Variants in TCF7L1 observed in about 807,000 individuals in gnomAD.
TCF7L1 encodes the protein transcription factor 7-like 1.
Under a neutral mutation model 63.7 loss-of-function variants are expected in TCF7L1, and 18 were observed. The observed-to-expected ratio is 0.28, with a 90% confidence interval of 0.20 to 0.42. The LOEUF (loss-of-function observed/expected upper bound fraction) is 0.42. Among genes scored for constraint, TCF7L1 ranks in the 10% least tolerant of loss-of-function variants. The probability of loss-of-function intolerance (pLI) is 1.00; values close to 1 mark genes in which losing one functional copy is unlikely to be tolerated. For missense variants in TCF7L1, 654 were observed against 779.3 expected, an observed-to-expected ratio of 0.84 and a Z score of 1.91; for synonymous variants, 355 against 340.9, an observed-to-expected ratio of 1.04 and a Z score of -0.46.
chr2:85,221,038 T>C (rs1679829759), intron 3 of TCF7L1, among the ~76,000 whole-genome samples: 1 of 152,214 alleles, frequency 6.6e-6, no homozygotes, highest in African/African-American at 2.4e-5. Context: ...CCCAAGTCTA[T>C]TGTTACGCAC....
intron 3 of TCF7L1, among the ~76,000 whole-genome samples, chr2:85,162,195 A>G (rs1375776814): frequency 6.6e-6 from 1 of 152,076 alleles, no homozygotes; most frequent in Non-Finnish European, 1.5e-5. Context: ...TGATTACGCC[A>G]CTGCACCCCA....
At chr2:85,145,803 G>A (rs925848612) in intron 3 of TCF7L1, among the ~76,000 whole-genome samples, 3 of 152,214 alleles carry the variant, frequency 2.0e-5, no homozygotes, top group Non-Finnish European at 4.4e-5. Context: ...GAAGTACACA[G>A]CCAGCAGTGC....
At chr2:85,227,992 CAAA>C (rs34769307) in intron 3 of TCF7L1, among the ~76,000 whole-genome samples, 8 of 79,512 alleles carry the variant, frequency 1.0e-4, no homozygotes, top group Non-Finnish European at 1.2e-4. Context: ...ACCCTGTCTC[CAAA>C]AAAAAAAAAA....
intron 3 of TCF7L1, among the ~76,000 whole-genome samples, chr2:85,226,156 T>A (rs866884087): frequency 1.3e-5 from 2 of 152,242 alleles, no homozygotes; most frequent in Admixed American, 6.5e-5. Flanking sequence ...AGCTTTCTGA[T>A]GTGCTGCTGG....
chr2:85,148,204 A>C (rs1161099439), intron 3 of TCF7L1, among the ~76,000 whole-genome samples: 1 of 152,124 alleles, frequency 6.6e-6, no homozygotes, highest in Non-Finnish European at 1.5e-5. Context: ...AAGGAGAGTT[A>C]ATGCAGGAAG....
intron 3 of TCF7L1, among the ~76,000 whole-genome samples, chr2:85,184,620 C>T (rs1678873093): frequency 6.6e-6 from 1 of 152,130 alleles, no homozygotes; most frequent in African/African-American, 2.4e-5. Flanking sequence ...GAGAGCTCCG[C>T]AGAAGATGAT....
chr2:85,247,048 T>G (rs1680483401), intron 3 of TCF7L1, among the ~76,000 whole-genome samples: 2 of 152,320 alleles, frequency 1.3e-5, no homozygotes, highest in East Asian at 3.9e-4. Flanking sequence ...AGGCTCTGTT[T>G]GTTTGCCCCA....
At chr2:85,295,533 T>A (rs1256380044) in intron 4 of TCF7L1, among the ~76,000 whole-genome samples, 1 of 152,052 alleles carries the variant, frequency 6.6e-6, no homozygotes, top group African/African-American at 2.4e-5. Context: ...CCCAGAAAAG[T>A]TTCAAGAATA....
chr2:85,246,577 C>A (rs1404017817), intron 3 of TCF7L1, among the ~76,000 whole-genome samples: 1 of 152,150 alleles, frequency 6.6e-6, no homozygotes, highest in African/African-American at 2.4e-5. Context: ...TGGATTTGCC[C>A]CTGGCAAGGC....
At chr2:85,191,086 A>G (rs1243775491) in intron 3 of TCF7L1, among the ~76,000 whole-genome samples, 3 of 149,548 alleles carry the variant, frequency 2.0e-5, no homozygotes, top group African/African-American at 7.3e-5. Flanking sequence ...AGTCTTTAAG[A>G]GCCTTATAAC....
At chr2:85,180,216 TTTTTTG>T (rs1553396765) in intron 3 of TCF7L1, among the ~76,000 whole-genome samples, 1 of 151,412 alleles carries the variant, frequency 6.6e-6, no homozygotes, top group Non-Finnish European at 1.5e-5. Flanking sequence ...AGTGGTTTTT[TTTTTTG>T]TTTTTGTTTT....
At chr2:85,263,690 C>T (rs1322329073) in intron 3 of TCF7L1, among the ~76,000 whole-genome samples, 1 of 152,176 alleles carries the variant, frequency 6.6e-6, no homozygotes, top group Non-Finnish European at 1.5e-5. Flanking sequence ...TGGGATTGAG[C>T]TGCCTGTAGC....
chr2:85,184,436 G>A (rs927001979), intron 3 of TCF7L1, among the ~76,000 whole-genome samples: 2 of 152,184 alleles, frequency 1.3e-5, no homozygotes, highest in African/African-American at 4.8e-5. Context: ...AGCAGTTTCA[G>A]ATTGGGTATT....
chr2:85,173,394 C>G (rs1283493597), intron 3 of TCF7L1, among the ~76,000 whole-genome samples: 1 of 151,924 alleles, frequency 6.6e-6, no homozygotes, highest in African/African-American at 2.4e-5. Context: ...TGGAGACAGG[C>G]AGGAGGCAGA....
intron 3 of TCF7L1, among the ~76,000 whole-genome samples, chr2:85,201,759 A>G (rs1410760327): frequency 6.6e-6 from 1 of 152,128 alleles, no homozygotes; most frequent in Non-Finnish European, 1.5e-5. Context: ...ATCCTCATCA[A>G]CACTTGGCAT....
intron 3 of TCF7L1, among the ~76,000 whole-genome samples, chr2:85,279,612 C>T (rs1681363959): frequency 1.3e-5 from 2 of 152,258 alleles, no homozygotes; most frequent in South Asian, 4.1e-4. Flanking sequence ...GATGCAGAGG[C>T]CGTCCATGGC....
chr2:85,206,966 AAC>A (rs67341867), intron 3 of TCF7L1, among the ~76,000 whole-genome samples: 23,334 of 152,188 alleles, frequency 0.15, 1,990 homozygotes, highest in African/African-American at 0.2. Context: ...CATTCAGAAC[AAC>A]AGTGTTAAGG....
chr2:85,280,788 C>T (rs1681393926), intron 3 of TCF7L1, among the ~76,000 whole-genome samples: 1 of 152,142 alleles, frequency 6.6e-6, no homozygotes, highest in South Asian at 2.1e-4. Context: ...TGCATGGACC[C>T]ATTCTGTTTC....
At chr2:85,155,850 T>C (rs1678130316) in intron 3 of TCF7L1, among the ~76,000 whole-genome samples, 1 of 152,054 alleles carries the variant, frequency 6.6e-6, no homozygotes, top group South Asian at 2.1e-4. Flanking sequence ...TAGGAACCAG[T>C]GTTTTAGACT....
Sources: gnomAD v4.1 joint callset for allele counts (sites outside exome capture counted in the v4.1 genomes callset) on GRCh38, gnomAD v4.1.1 for gene constraint, MANE v1.5 for transcripts, NCBI Gene and HGNC (gene_info 2026-07-23, HGNC 2026-07-21) for gene names.